The following WNK1 variants were observed in gnomAD, a reference collection of about 807,000 sequenced individuals.
WNK1 encodes WNK lysine deficient protein kinase 1, also known as serine/threonine-protein kinase WNK1.
A neutral mutation model predicts 222.8 loss-of-function variants in WNK1; 38 were observed. The observed-to-expected ratio is 0.17, with a 90% CI of 0.13 to 0.22. WNK1 has a LOEUF of 0.22. Ranked by LOEUF, WNK1 falls within the 10% of genes least tolerant of loss-of-function variation. WNK1 has a pLI of 1.00. For missense variants in WNK1, 2,348 were observed against 2,918.4 expected (o/e 0.80, Z 4.50); for synonymous variants, 1,090 against 1,092.9 (o/e 1.00, Z 0.05).
At chr12:797,068 A>G (rs960592182) in intron 1 of WNK1, among the ~76,000 whole-genome samples, 2 of 152,176 alleles carry the variant, frequency 1.3e-5, no homozygotes, top group African/African-American at 4.8e-5. Flanking sequence ...AAGTTACTAT[A>G]CATATGCTGA....
Position 894,667 on chromosome 12 carries a change from C to T in WNK1, c.5583+32C>T, listed in dbSNP as rs200316064. 28 of 1,599,974 alleles carry T rather than the reference C, an allele frequency of 1.8e-5. 1 individual carries two copies. In the East Asian group the frequency reaches 3.4e-4, roughly 19 times the overall value. Reference sequence around the variant, plus strand: ...CAGTCACTTTGTGTTGCCTTGATTCCTTCCTTTGGAGGAGTTGTCTATATA... The same window carrying T: ...CAGTCACTTTGTGTTGCCTTGATTCTTTCCTTTGGAGGAGTTGTCTATATA... On this transcript the variant is annotated intron_variant, in intron 23 of 27. Transcript: ENST00000315939.
chr12:854,215 A>G lies in WNK1; in HGVS notation c.1312-2946A>G, dbSNP rs187313143. On this transcript the variant is annotated intron_variant, in intron 4 of 27. Transcript: ENST00000315939. ...AGACTTTGTTTCTCCAAAAAGACAA[A>G]AAATTAGCTGGGCATGGTGGCACAC... is the stretch of plus-strand genomic sequence containing the variant. 4.0e-3 allele frequency among the ~76,000 whole-genome samples: 605 copies of G among 151,798 alleles called. 4 individuals carry two copies. Among genetic ancestry groups the G allele is most frequent in the South Asian group, 0.031 (150 of 4,816 alleles).
At chr12:892,380 A>G in intron 22 of WNK1, among the ~76,000 whole-genome samples, 1 of 152,176 alleles carries the variant, frequency 6.6e-6, no homozygotes. Context: ...ACATAAATAA[A>G]TGAGTTTGTG....
At position 773,231 on chromosome 12, in the gene WNK1, C is replaced by G. The variant is rs141041524; in HGVS notation, c.759+18907C>G. ...TGAGATTGCGCCATTGCATTCCAGC[C>G]TGGGCAATAAGAGCAAAACTCCATC... On this transcript the variant is annotated intron_variant, in intron 1 of 27. Transcript: ENST00000315939. 2.7e-3 allele frequency among the ~76,000 whole-genome samples: 413 copies of G among 151,728 alleles called. 4 individuals carry two copies. Among genetic ancestry groups the G allele is most frequent in the Non-Finnish European group, 2.4e-3 (162 of 67,942 alleles).
chr12:877,966 G>T, intron 9 of WNK1: 1 of 519,026 alleles, frequency 1.9e-6, no homozygotes, highest in Non-Finnish European at 3.5e-6. Context: ...GGAGATAATT[G>T]GGTGAAGAGC....
Position 896,506 on chromosome 12 carries a change from C to T in WNK1, c.6019C>T (p.Leu2007=), listed in dbSNP as rs761227865. 1.2e-6 allele frequency: 2 copies of T among 1,613,818 alleles called. No individual in the cohort carries two copies. Among genetic ancestry groups the T allele is most frequent in the Admixed American group, 1.7e-5 (1 of 59,956 alleles). The change falls in exon 24 of 28, where the codon CTA becomes TTA. Residue 2007 remains leucine (L), a synonymous_variant. Coordinates refer to ENST00000315939, the MANE Select transcript of WNK1 (RefSeq NM_018979.4). The stretch of plus-strand genomic sequence containing the variant: ...GCCTGAACTGTCAGAGCCTTCACAT[C>T]TAAATGGGCCGTCTTCTGACCCGGA... ...EKPELSEPSH[L]NGPSSDPEAA... is the part of the protein sequence containing the mutation.
rs72647367 is a variant in WNK1 at position 753,541 on chromosome 12, C to G, written c.-25C>G. 14,598 of 1,611,392 alleles carry G rather than the reference C, an allele frequency of 9.1e-3. 81 individuals are homozygous for G. The highest frequency in any genetic ancestry group is 0.011 in the Non-Finnish European group (12,565 of 1,179,766). ...CTTTTCGTTCACGAATCCGAGCCCG[C>G]TCGCCTCTCTCCAGCGAACCGACCA... On this transcript the variant is annotated 5_prime_UTR_variant, in exon 1 of 28. Transcript: ENST00000315939. The surrounding 1 kb of genome is among the most constrained non-coding windows in gnomAD (Gnocchi z 5.2).
In WNK1 at chr12:909,322, A is replaced by T. The variant is rs147592854; in HGVS notation, c.*530A>T. On this transcript the variant is annotated 3_prime_UTR_variant, in exon 28 of 28. Coordinates refer to ENST00000315939, the MANE Select transcript of WNK1 (RefSeq NM_018979.4). ...AGAACCCAGTGAAAAATACCAGGGT[A>T]CTGGGGTGCAACTCTTTCTTATGAT... 6.3e-6 allele frequency: 1 copy of T among 157,594 alleles called. No homozygotes were observed. Among genetic ancestry groups the T allele is most frequent in the African/African-American group, 2.4e-5 (1 of 41,500 alleles). 9.8% of individuals were successfully genotyped at this position (157,594 alleles called of 1,614,324 possible).
chr12:809,298 A>G (rs1946692880), intron 1 of WNK1, among the ~76,000 whole-genome samples: 1 of 150,448 alleles, frequency 6.6e-6, no homozygotes, highest in African/African-American at 2.5e-5. Flanking sequence ...TGATAGGTAA[A>G]AGTCTCCATG....
At position 782,629 on chromosome 12, in the gene WNK1, C is replaced by T. The variant is rs180884505; in HGVS notation, c.759+28305C>T. Among the ~76,000 whole-genome samples, 341 of 152,144 alleles carry T rather than the reference C, an allele frequency of 2.2e-3. 1 individual carries two copies. The highest frequency in any genetic ancestry group is 5.0e-3 in the Admixed American group (76 of 15,272). On this transcript the variant is annotated intron_variant, in intron 1 of 27. Coordinates refer to ENST00000315939, the MANE Select transcript of WNK1 (RefSeq NM_018979.4). Reference sequence around the variant, plus strand: ...AAGCGATTCTCCTGCCTTGGCCTTCCGAGCAGCTAGGATTACAGGCATGCA... The same window carrying T: ...AAGCGATTCTCCTGCCTTGGCCTTCTGAGCAGCTAGGATTACAGGCATGCA...
chr12:868,740 C>T (rs1951893710), intron 8 of WNK1: 1 of 1,613,840 alleles, frequency 6.2e-7, no homozygotes, highest in African/African-American at 1.3e-5. Context: ...GAAGAACTGC[C>T]TCCTCAATCA....
At chr12:802,657 C>G (rs1945999119) in intron 1 of WNK1, among the ~76,000 whole-genome samples, 1 of 151,742 alleles carries the variant, frequency 6.6e-6, no homozygotes, top group Non-Finnish European at 1.5e-5. Flanking sequence ...TCAGTTTCTT[C>G]TTTGAATAAC....
intron 2 of WNK1, among the ~76,000 whole-genome samples, chr12:822,188 G>T (rs1314042142): frequency 1.4e-5 from 2 of 145,930 alleles, no homozygotes; most frequent in South Asian, 2.2e-4. Flanking sequence ...CCGCCTCCCG[G>T]GTTCAAGCGA....
At chr12:890,384 G>A (rs1304824108) in intron 21 of WNK1, 69 bp from the exon 22 acceptor site, 6 of 1,555,926 alleles carry the variant, frequency 3.9e-6, no homozygotes, top group Middle Eastern at 1.7e-4. Context: ...CCATAGGAAA[G>A]GCAACGAGGC....
At chr12:765,600 ATCC>A (rs1941597177) in intron 1 of WNK1, among the ~76,000 whole-genome samples, 1 of 120,080 alleles carries the variant, frequency 8.3e-6, no homozygotes. Flanking sequence ...AATGTGCTAT[ATCC>A]AGATCTTGGG....
chr12:809,602 TGA>T (rs1946724860), intron 1 of WNK1, among the ~76,000 whole-genome samples: 1 of 152,178 alleles, frequency 6.6e-6, no homozygotes, highest in Non-Finnish European at 1.5e-5. Context: ...AATTTTTGCA[TGA>T]GAATTATTAT....
chr12:765,607 TC>T (rs1941598204), intron 1 of WNK1, among the ~76,000 whole-genome samples: 1 of 151,830 alleles, frequency 6.6e-6, no homozygotes. Context: ...TATATCCAGA[TC>T]TTGGGTCAAG....
chr12:868,027 A>G (rs369778676), intron 8 of WNK1: 6 of 1,613,848 alleles, frequency 3.7e-6, no homozygotes, highest in African/African-American at 1.3e-5. Context: ...CCTTCCTGGA[A>G]GCCCAAACTC....
intron 4 of WNK1, among the ~76,000 whole-genome samples, chr12:838,151 A>G (rs1196925147): frequency 6.6e-6 from 1 of 151,926 alleles, no homozygotes; most frequent in Non-Finnish European, 1.5e-5. Context: ...CGATTGGTAG[A>G]CATTTGGACT....
Sources: allele counts gnomAD v4.1 joint callset (sites outside exome capture counted in the v4.1 genomes callset), GRCh38; gene constraint gnomAD v4.1.1; non-coding constraint Gnocchi (gnomAD v3.1); transcripts MANE v1.5; gene names NCBI Gene and HGNC (gene_info 2026-07-23, HGNC 2026-07-21).